The following STXBP5L variants were observed in gnomAD, a reference collection of about 807,000 sequenced individuals.
STXBP5L encodes syntaxin-binding protein 5-like.
A neutral mutation model predicts 144.5 loss-of-function variants in STXBP5L; 65 were observed. The observed-to-expected ratio is 0.45, with a 90% confidence interval of 0.37 to 0.55. The LOEUF (loss-of-function observed/expected upper bound fraction) is 0.55, where lower values mean the gene tolerates loss of function less well. Among genes scored for constraint, STXBP5L ranks in the 20% least tolerant of loss-of-function variants. STXBP5L has a pLI of 0.00. For missense variants in STXBP5L, 1,298 were observed against 1,405.5 expected (o/e 0.92, Z 1.22); for synonymous variants, 505 against 469.6 (o/e 1.08, Z -0.97).
chr3:121,368,239 G>C (rs966606516), intron 20 of STXBP5L, among the ~76,000 whole-genome samples: 1 of 151,798 alleles, frequency 6.6e-6, no homozygotes, highest in Non-Finnish European at 1.5e-5. Flanking sequence ...TAATTCTTCT[G>C]TCTGCTCAAA....
intron 9 of STXBP5L, among the ~76,000 whole-genome samples, chr3:121,185,858 A>C (rs529355614): frequency 1.5e-3 from 231 of 152,274 alleles, no homozygotes; most frequent in Middle Eastern, 6.8e-3. Flanking sequence ...CTTGATGGAG[A>C]TGGCATTGAA....
At chr3:121,331,489 A>G (rs1261963269) in intron 20 of STXBP5L, among the ~76,000 whole-genome samples, 6 of 152,204 alleles carry the variant, frequency 3.9e-5, no homozygotes, top group African/African-American at 4.8e-5. Context: ...TTGGAATATC[A>G]AAATTCCTGC....
At chr3:121,236,803 T>C (rs1156709182) in intron 12 of STXBP5L, among the ~76,000 whole-genome samples, 1 of 152,238 alleles carries the variant, frequency 6.6e-6, no homozygotes, top group Non-Finnish European at 1.5e-5. Flanking sequence ...CAAAGTAAGT[T>C]ACTTTCAGCT....
chr3:120,990,811 C>G (rs375792574), intron 3 of STXBP5L, among the ~76,000 whole-genome samples: 2,430 of 152,222 alleles, frequency 0.016, 34 homozygotes, highest in Middle Eastern at 0.058. Flanking sequence ...CTTCCTTACA[C>G]GTTATACAAA....
At chr3:121,109,794 T>C (rs965263902) in intron 5 of STXBP5L, among the ~76,000 whole-genome samples, 1 of 152,190 alleles carries the variant, frequency 6.6e-6, no homozygotes, top group Non-Finnish European at 1.5e-5. Context: ...GTCAATGATC[T>C]AATATTGACA....
At chr3:121,132,692 A>G (rs781158554) in intron 7 of STXBP5L, among the ~76,000 whole-genome samples, 10 of 152,240 alleles carry the variant, frequency 6.6e-5, no homozygotes, top group Non-Finnish European at 1.0e-4. Context: ...TATATGACTT[A>G]CTTGATAGAG....
chr3:120,965,099 G>T (rs575141279), intron 3 of STXBP5L, among the ~76,000 whole-genome samples: 29 of 150,694 alleles, frequency 1.9e-4, no homozygotes, highest in Middle Eastern at 3.5e-3. Context: ...GCAACCCCTG[G>T]TTTTTTTTGC....
chr3:121,033,486 G>A (rs1478274964), intron 3 of STXBP5L, among the ~76,000 whole-genome samples: 2 of 142,314 alleles, frequency 1.4e-5, no homozygotes, highest in Non-Finnish European at 3.0e-5. Context: ...ACACGTTAGT[G>A]GGTGCAGTGC....
chr3:120,997,388 A>T (rs1943435540), intron 3 of STXBP5L, among the ~76,000 whole-genome samples: 1 of 152,206 alleles, frequency 6.6e-6, no homozygotes, highest in Non-Finnish European at 1.5e-5. Flanking sequence ...CAGGAGTGGA[A>T]CTAATTTACA....
intron 1 of STXBP5L, chr3:120,909,296 C>A (rs1170226252): frequency 1.2e-5 from 4 of 324,260 alleles, no homozygotes; most frequent in Non-Finnish European, 1.7e-5. Context: ...AGCGTAGTTA[C>A]AGCTGGGGAT....
At chr3:121,109,487 G>A (rs2043877811) in intron 5 of STXBP5L, among the ~76,000 whole-genome samples, 1 of 152,152 alleles carries the variant, frequency 6.6e-6, no homozygotes, top group African/African-American at 2.4e-5. Flanking sequence ...TTACCCAGGA[G>A]TCATTCAGGA....
rs150586078 is a variant in STXBP5L, at chr3:120,993,452, A to G, written c.287+38415A>G. On this transcript the variant is annotated intron_variant, in intron 3 of 26. Coordinates refer to ENST00000471454, the MANE Select transcript of STXBP5L (RefSeq NM_001308330.2). ...ATTTTCAGTTCCAGGTCTTATGTTT[A>G]AGGCTTTAAGCATTTGGAGTTGAGT... Among the ~76,000 whole-genome samples, 466 of 152,172 alleles carry G rather than the reference A, an allele frequency of 3.1e-3. 5 individuals carry two copies. The highest frequency in any genetic ancestry group is 0.011 in the African/African-American group (449 of 41,550).
chr3:121,029,494 C>CT (rs1368487522), intron 3 of STXBP5L, among the ~76,000 whole-genome samples: 2 of 152,096 alleles, frequency 1.3e-5, no homozygotes, highest in Non-Finnish European at 2.9e-5. Context: ...AAAAGTGAAA[C>CT]TGGACCCTTT....
chr3:121,387,355 T>C (rs2108694138), intron 22 of STXBP5L, among the ~76,000 whole-genome samples: 1 of 152,356 alleles, frequency 6.6e-6, no homozygotes, highest in South Asian at 2.1e-4. Flanking sequence ...TTCTGTAGGT[T>C]GCCTGTTCAC....
chr3:120,973,994 A>G (rs1940613170), intron 3 of STXBP5L, among the ~76,000 whole-genome samples: 1 of 152,272 alleles, frequency 6.6e-6, no homozygotes, highest in African/African-American at 2.4e-5. Flanking sequence ...TAGTGCCGCA[A>G]TAAACATACG....
intron 3 of STXBP5L, among the ~76,000 whole-genome samples, chr3:120,976,638 G>A (rs1289223336): frequency 1.3e-5 from 2 of 151,998 alleles, no homozygotes; most frequent in African/African-American, 2.4e-5. Context: ...TGTGATGTTA[G>A]GGTGTCAATT....
intron 6 of STXBP5L, 25 bp downstream of exon 6, chr3:121,115,084 T>G: frequency 6.3e-7 from 1 of 1,594,930 alleles, no homozygotes; most frequent in Non-Finnish European, 8.5e-7. Flanking sequence ...GGATATCACT[T>G]TATTGGCTTA....
At chr3:121,382,346 TAGTC>T (rs1246024330) in intron 22 of STXBP5L, among the ~76,000 whole-genome samples, 1 of 152,094 alleles carries the variant, frequency 6.6e-6, no homozygotes, top group East Asian at 1.9e-4. Context: ...GTAGGTAGAA[TAGTC>T]AGTTCTCTAC....
chr3:121,353,940 C>T (rs986192415), intron 20 of STXBP5L, among the ~76,000 whole-genome samples: 1 of 152,134 alleles, frequency 6.6e-6, no homozygotes, highest in Non-Finnish European at 1.5e-5. Context: ...TCGTTATTTA[C>T]CCAGTAGTCA....
Sources: gnomAD v4.1 joint callset for allele counts (sites outside exome capture counted in the v4.1 genomes callset) on GRCh38, gnomAD v4.1.1 for gene constraint, MANE v1.5 for transcripts, NCBI Gene and HGNC (gene_info 2026-07-23, HGNC 2026-07-21) for gene names.